SLC9D1: variants seen among roughly 807,000 people sequenced by gnomAD.
The protein encoded by SLC9D1 is putative LAG1-interacting protein.
chr13:113,518,117 A>G, the SLC9D1 span, among the ~76,000 whole-genome samples: 2 of 152,274 alleles, frequency 1.3e-5, no homozygotes, highest in Admixed American at 6.5e-5. Context: ...AAGGTAGTGC[A>G]GATTTCAGAA....
At chr13:113,519,270 T>A in the SLC9D1 span, among the ~76,000 whole-genome samples, 1 of 151,946 alleles carries the variant, frequency 6.6e-6, no homozygotes, top group African/African-American at 2.4e-5. Flanking sequence ...GGTCTCGAAC[T>A]CCTGACCTCA....
the SLC9D1 span, among the ~76,000 whole-genome samples, chr13:113,531,746 C>T: frequency 3.9e-5 from 6 of 152,246 alleles, no homozygotes; most frequent in Admixed American, 2.0e-4. Context: ...GGCGGCAAGC[C>T]GGAATCCTGA....
At chr13:113,503,515 CATT>C in the SLC9D1 span, 5 of 1,613,206 alleles carry the variant, frequency 3.1e-6, no homozygotes, top group East Asian at 2.2e-5. Context: ...CAAGTGGAGA[CATT>C]AGGAGAATTT....
At chr13:113,493,640 T>G in the SLC9D1 span, among the ~76,000 whole-genome samples, 1 of 152,276 alleles carries the variant, frequency 6.6e-6, no homozygotes, top group African/African-American at 2.4e-5. Flanking sequence ...TCATTTATCC[T>G]ATCTTGTTAG....
the SLC9D1 span, among the ~76,000 whole-genome samples, chr13:113,545,379 A>C: frequency 1.3e-5 from 2 of 152,222 alleles, no homozygotes; most frequent in Non-Finnish European, 1.5e-5. Flanking sequence ...CCCAGAGCCC[A>C]CATAGTTTCT....
At chr13:113,498,328 T>C in the SLC9D1 span, 1 of 1,514,100 alleles carries the variant, frequency 6.6e-7, no homozygotes, top group Non-Finnish European at 8.8e-7. Flanking sequence ...TCTTCTTTTC[T>C]TACAAATGAA....
chr13:113,531,844 T>C, the SLC9D1 span, among the ~76,000 whole-genome samples: 1 of 152,250 alleles, frequency 6.6e-6, no homozygotes, highest in African/African-American at 2.4e-5. Context: ...CCCTCATCAC[T>C]GTGCATTTAA....
chr13:113,539,578 G>C, the SLC9D1 span: 27 of 1,472,276 alleles, frequency 1.8e-5, no homozygotes, highest in Middle Eastern at 8.6e-4. This position sits in a 1 kb window ranked among gnomAD's most constrained non-coding sequence, Gnocchi z 4.8. Flanking sequence ...ATATGTTTAC[G>C]TGCATATATA....
chr13:113,522,864 TTGTGATC>T, the SLC9D1 span, among the ~76,000 whole-genome samples: 1 of 152,132 alleles, frequency 6.6e-6, no homozygotes, highest in African/African-American at 2.4e-5. Flanking sequence ...ACTCCCGACA[TTGTGATC>T]TGCCCGCCTC....
At chr13:113,526,853 C>T in the SLC9D1 span, among the ~76,000 whole-genome samples, 4 of 152,256 alleles carry the variant, frequency 2.6e-5, 1 homozygote, top group African/African-American at 9.6e-5. Context: ...GCGCCCTGTA[C>T]AGGTGTGCCA....
chr13:113,512,706 G>C, the SLC9D1 span, among the ~76,000 whole-genome samples: 2 of 148,624 alleles, frequency 1.3e-5, no homozygotes, highest in African/African-American at 5.0e-5. Flanking sequence ...TGGAGCCCCA[G>C]GTGCTGGAAC....
the SLC9D1 span, among the ~76,000 whole-genome samples, chr13:113,545,154 G>A: frequency 3.3e-5 from 5 of 152,356 alleles, no homozygotes; most frequent in South Asian, 2.1e-4. Context: ...TCACCTTCAC[G>A]CCATGGCCTG....
the SLC9D1 span, among the ~76,000 whole-genome samples, chr13:113,513,563 C>T: frequency 6.6e-6 from 1 of 152,000 alleles, no homozygotes; most frequent in East Asian, 1.9e-4. Context: ...AGGAAATTTA[C>T]AGTTAGACAT....
At chr13:113,537,073 G>T in the SLC9D1 span, among the ~76,000 whole-genome samples, 1 of 152,204 alleles carries the variant, frequency 6.6e-6, no homozygotes, top group African/African-American at 2.4e-5. Context: ...CCTGGGTGTT[G>T]TCCTGGCGGT....
the SLC9D1 span, chr13:113,549,917 CA>C: frequency 2.8e-5 from 14 of 493,072 alleles, no homozygotes; most frequent in Non-Finnish European, 5.0e-5. Context: ...TAAAAATGTA[CA>C]ACTTCAGAAT....
chr13:113,511,169 T>C, the SLC9D1 span, among the ~76,000 whole-genome samples: 6 of 152,244 alleles, frequency 3.9e-5, no homozygotes, highest in African/African-American at 1.4e-4. Context: ...CAGGTGGCTG[T>C]TTCTGACAGC....
chr13:113,532,376 G>C, the SLC9D1 span, among the ~76,000 whole-genome samples: 1 of 152,192 alleles, frequency 6.6e-6, no homozygotes, highest in African/African-American at 2.4e-5. Context: ...TGGGAGAAGA[G>C]TCTAGGGTAG....
chr13:113,521,957 A>G, the SLC9D1 span, among the ~76,000 whole-genome samples: 1 of 152,214 alleles, frequency 6.6e-6, no homozygotes, highest in Non-Finnish European at 1.5e-5. Flanking sequence ...AGTACAACTG[A>G]TCAAAAATTA....
At chr13:113,495,762 C>G in the SLC9D1 span, 2 of 1,614,098 alleles carry the variant, frequency 1.2e-6, no homozygotes, top group Non-Finnish European at 1.7e-6. Flanking sequence ...CTCAGGGCTT[C>G]TCCGCCAGAA....
Sources: gnomAD v4.1 joint callset for allele counts (sites outside exome capture counted in the v4.1 genomes callset) on GRCh38, gnomAD v4.1.1 for gene constraint, Gnocchi (gnomAD v3.1) non-coding constraint, MANE v1.5 for transcripts, NCBI Gene and HGNC (gene_info 2026-07-23, HGNC 2026-07-21) for gene names.